The following CDT1 variants were observed in gnomAD, a reference collection of about 807,000 sequenced individuals.
The protein encoded by CDT1 is DNA replication factor Cdt1.
In CDT1, 66 loss-of-function variants were observed where a neutral mutation model predicts 49.3. The ratio of observed to expected loss-of-function variants is 1.34; its 90% CI spans 1.10 to 1.64. CDT1 has a LOEUF of 1.64. Among genes scored for constraint, CDT1 ranks in the 40% most tolerant of loss-of-function variants. The probability of loss-of-function intolerance (pLI) is 0.00; values close to 1 mark genes in which losing one functional copy is unlikely to be tolerated. For missense variants in CDT1, 958 were observed against 807.7 expected (o/e 1.19, Z -2.26); for synonymous variants, 424 against 347.4 (o/e 1.22, Z -2.45).
intron 1 of CDT1, 61 bp downstream of exon 1, chr16:88,804,120 G>T: frequency 8.8e-7 from 1 of 1,133,284 alleles, no homozygotes; most frequent in Non-Finnish European, 1.1e-6. Flanking sequence ...AGGCCCGGGG[G>T]GCAGGGCTCG....
In CDT1 at chr16:88,808,433, AG is replaced by A; in HGVS notation, c.*158del. On this transcript the variant is annotated 3_prime_UTR_variant, in exon 10 of 10. Transcript: ENST00000301019. ...TGTGGGCTGCAGGCTGCACAGCCCG[AG>A]GGTCTCTGGCTGCGGGCGGTGGGCC... is the stretch of plus-strand genomic sequence containing the variant. 1 of 870,878 alleles carries A rather than the reference AG, an allele frequency of 1.1e-6. No homozygotes were observed. 53.9% of individuals were successfully genotyped at this position (870,878 alleles called of 1,614,324 possible). A position where few individuals can be genotyped will look rare whatever the true frequency, so the allele number is the denominator to read the frequency against.
intron 9 of CDT1, among the ~76,000 whole-genome samples, chr16:88,807,914 A>AGGCCT (rs1234198843): frequency 6.6e-6 from 1 of 152,190 alleles, no homozygotes; most frequent in Non-Finnish European, 1.5e-5. Flanking sequence ...CCTCAACTGT[A>AGGCCT]GGCCTGGCTC....
Position 88,804,683 on chromosome 16 carries a change from TG to T in CDT1, c.351+20del. 6.2e-7 allele frequency: 1 copy of T among 1,612,296 alleles called. No individual in the cohort carries two copies. The highest frequency in any genetic ancestry group is 8.5e-7 in the Non-Finnish European group (1 of 1,179,740). On this transcript the variant is annotated intron_variant, in intron 2 of 9. Coordinates refer to ENST00000301019, the MANE Select transcript of CDT1 (RefSeq NM_030928.4). ...GCAGGACCAGGTGAGGGGCGGGGCC[TG>T]GGGCAGATGCGGGAGGGCTGAGTGG...
At position 88,804,811 on chromosome 16, in the gene CDT1, G is replaced by A; in HGVS notation, c.401G>A (p.Gly134Glu). ...ASCLQRAREL[G>E]ARVRALKASA... ...TGCCTGCAACGGGCCCGGGAGCTGGGGGCAAGAGTCCGGGCGCTGAAGGCC... is the reference window on the plus strand; with the variant it reads ...TGCCTGCAACGGGCCCGGGAGCTGGAGGCAAGAGTCCGGGCGCTGAAGGCC... The change falls in exon 3 of 10, where the codon GGG (glycine) becomes GAG (glutamate). Residue 134 changes from glycine (G) to glutamate (E), a missense_variant. Physicochemically the swap from Gly to Glu is moderately conservative, Grantham distance 98 (BLOSUM62 -2). Transcript: ENST00000301019. 1 of 1,612,676 alleles carries A rather than the reference G, an allele frequency of 6.2e-7. No individual in the cohort carries two copies. Among genetic ancestry groups the A allele is most frequent in the Non-Finnish European group, 8.5e-7 (1 of 1,179,862 alleles).
chr16:88,805,981 G>T, intron 5 of CDT1, 40 bp from the exon 6 acceptor site: 1 of 1,575,766 alleles, frequency 6.3e-7, no homozygotes. Flanking sequence ...TGGGTGGCTG[G>T]GTGGCCTGGT....
At chr16:88,805,026 G>T in intron 3 of CDT1, 128 bp downstream of exon 3, 1 of 1,288,922 alleles carries the variant, frequency 7.8e-7, no homozygotes, top group African/African-American at 1.5e-5. Context: ...TCACCAGGGC[G>T]CGGACCCAGA....
chr16:88,803,806 T>G lies in CDT1; in HGVS notation c.-26T>G. On this transcript the variant is annotated 5_prime_UTR_variant, in exon 1 of 10. Coordinates refer to ENST00000301019, the MANE Select transcript of CDT1 (RefSeq NM_030928.4). ...GCCTCTTCCTCCCTTCCTTCTTTCC[T>G]TGCTTTCGCCGCGCACTCCGCCGCC... is the stretch of plus-strand genomic sequence containing the variant. The G allele has an allele frequency of 6.7e-7, 1 of 1,499,722 alleles. No homozygotes were observed. Among genetic ancestry groups the G allele is most frequent in the Non-Finnish European group, 8.9e-7 (1 of 1,120,738 alleles). 92.9% of individuals were successfully genotyped at this position (1,499,722 alleles called of 1,614,324 possible). A position where few individuals can be genotyped will look rare whatever the true frequency, so the allele number is the denominator to read the frequency against.
rs1341169712 is a variant in CDT1, at chr16:88,809,078, CAG to C, written c.*801_*802del. On this transcript the variant is annotated 3_prime_UTR_variant, in exon 10 of 10. Coordinates refer to ENST00000301019, the MANE Select transcript of CDT1 (RefSeq NM_030928.4). ...CCATGTCATCACAGGGCCTTCATGACAGGGCCAGAGCCAGCCAGCTTTGAAGA... is the reference window on the plus strand; with the variant it reads ...CCATGTCATCACAGGGCCTTCATGACGGCCAGAGCCAGCCAGCTTTGAAGA... 13 of 228,154 alleles carry C rather than the reference CAG, an allele frequency of 5.7e-5. No homozygotes were observed. Among genetic ancestry groups the C allele is most frequent in the East Asian group, 1.1e-4 (1 of 8,836 alleles). The allele number at this position is 228,154 out of a possible 1,614,324, so 14.1% of individuals were successfully genotyped here.
rs758725452 is a variant in CDT1 at position 88,803,798 on chromosome 16, T to G, written c.-34T>G. Reference sequence around the variant, plus strand: ...CCGCGCCCGCCTCTTCCTCCCTTCCTTCTTTCCTTGCTTTCGCCGCGCACT... The same window carrying G: ...CCGCGCCCGCCTCTTCCTCCCTTCCGTCTTTCCTTGCTTTCGCCGCGCACT... On this transcript the variant is annotated 5_prime_UTR_variant, in exon 1 of 10. Coordinates refer to ENST00000301019, the MANE Select transcript of CDT1 (RefSeq NM_030928.4). 2 of 1,486,760 alleles carry G rather than the reference T, an allele frequency of 1.3e-6. No individual in the cohort carries two copies. The highest frequency in any genetic ancestry group is 1.5e-5 in the African/African-American group (1 of 68,578). The allele number at this position is 1,486,760 out of a possible 1,614,324, so 92.1% of individuals were successfully genotyped here.
At chr16:88,808,072 TG>T in intron 9 of CDT1, 42 bp from the exon 10 acceptor site, 2 of 1,601,818 alleles carry the variant, frequency 1.2e-6, no homozygotes, top group Non-Finnish European at 1.7e-6. Context: ...CGTGCAGGGC[TG>T]GGGCCCAGCA....
At chr16:88,806,728 G>A in intron 7 of CDT1, 54 bp downstream of exon 7, 1 of 1,547,188 alleles carries the variant, frequency 6.5e-7, no homozygotes, top group African/African-American at 1.4e-5. Flanking sequence ...GGGCCAGCCT[G>A]ACCCCAGGCT....
rs1287487253 is a variant in CDT1 at position 88,807,178 on chromosome 16, G to A, written c.1250G>A (p.Gly417Glu). 6.2e-7 allele frequency: 1 copy of A among 1,612,334 alleles called. No homozygotes were observed. Among genetic ancestry groups the A allele is most frequent in the Non-Finnish European group, 8.5e-7 (1 of 1,179,824 alleles). Reference protein sequence around the residue: ...PPAASPSALKGVSQDLLERIR... With the variant: ...PPAASPSALKEVSQDLLERIR... The stretch of plus-strand genomic sequence containing the variant: ...GCAGCCTCTCCCAGTGCTCTGAAGG[G>A]GGTGTCCCAGGATCTGCTGGAGCGG... The change falls in exon 8 of 10, where the codon GGG becomes GAG. Residue 417 changes from glycine (G) to glutamate (E), a missense_variant. By Grantham distance (98) the Gly-to-Glu change is moderately conservative (BLOSUM62 -2). Coordinates refer to ENST00000301019, the MANE Select transcript of CDT1 (RefSeq NM_030928.4).
chr16:88,808,519 C>T lies in CDT1; in HGVS notation c.*241C>T, dbSNP rs1052487403. ...ACCGGTTTCTGTGGGCACCTCTGTCCTTGCTGCTGGTGGGGAAGGGAAGCC... is the reference window on the plus strand; with the variant it reads ...ACCGGTTTCTGTGGGCACCTCTGTCTTTGCTGCTGGTGGGGAAGGGAAGCC... On this transcript the variant is annotated 3_prime_UTR_variant, in exon 10 of 10. Coordinates refer to ENST00000301019, the MANE Select transcript of CDT1 (RefSeq NM_030928.4). The T allele has an allele frequency of 1.8e-6, 1 of 565,546 alleles. No homozygotes were observed. The highest frequency in any genetic ancestry group is 3.1e-6 in the Non-Finnish European group (1 of 319,208). The allele number at this position is 565,546 out of a possible 1,614,324, so 35.0% of individuals were successfully genotyped here.
intron 8 of CDT1, 30 bp downstream of exon 8, chr16:88,807,233 CG>C: frequency 6.2e-7 from 1 of 1,610,554 alleles, no homozygotes; most frequent in South Asian, 1.1e-5. Flanking sequence ...GGCGGGTGGG[CG>C]CCTGGTGACC....
rs772432300 is a variant in CDT1 at position 88,808,590 on chromosome 16, G to A, written c.*312G>A. The A allele has an allele frequency of 1.1e-5, 5 of 445,682 alleles. No homozygotes were observed. The highest frequency in any genetic ancestry group is 2.0e-5 in the African/African-American group (1 of 50,344). 27.6% of individuals were successfully genotyped at this position (445,682 alleles called of 1,614,324 possible). A position where few individuals can be genotyped will look rare whatever the true frequency, so the allele number is the denominator to read the frequency against. On this transcript the variant is annotated 3_prime_UTR_variant, in exon 10 of 10. Transcript: ENST00000301019. Reference sequence around the variant, plus strand: ...GGCCATCGGGAGTGTGGCTGGGGGTGAAGGGGGCTCTGTGGCAATATGGGG... The same window carrying A: ...GGCCATCGGGAGTGTGGCTGGGGGTAAAGGGGGCTCTGTGGCAATATGGGG...
In CDT1 at chr16:88,804,629, G is replaced by C; in HGVS notation, c.313G>C (p.Ala105Pro). ...GQKIKKSTPAAGQPPHLTSAQ... is the reference protein window; with the variant it reads ...GQKIKKSTPAPGQPPHLTSAQ... Reference sequence around the variant, plus strand: ...GAAGATAAAGAAATCCACCCCGGCAGCAGGTCAGCCGCCCCACCTGACATC... The same window carrying C: ...GAAGATAAAGAAATCCACCCCGGCACCAGGTCAGCCGCCCCACCTGACATC... The change falls in exon 2 of 10, where the codon GCA (alanine) becomes CCA (proline). Residue 105 changes from alanine to proline, a missense_variant. Physicochemically the swap from Ala to Pro is conservative, Grantham distance 27. Transcript: ENST00000301019. 6.2e-7 allele frequency: 1 copy of C among 1,612,720 alleles called. No individual in the cohort carries two copies. The highest frequency in any genetic ancestry group is 8.5e-7 in the Non-Finnish European group (1 of 1,179,834).
rs1908987940 is a variant in CDT1 at position 88,808,993 on chromosome 16, C to A, written c.*715C>A. On this transcript the variant is annotated 3_prime_UTR_variant, in exon 10 of 10. Transcript: ENST00000301019. ...CCAGCCTGGGTGACAGAGCGAGACTCCGTCTCAAAAAAAAAAATTTCAAGA... is the reference window on the plus strand; with the variant it reads ...CCAGCCTGGGTGACAGAGCGAGACTACGTCTCAAAAAAAAAAATTTCAAGA... The A allele has an allele frequency of 5.8e-6, 1 of 173,142 alleles. No individual in the cohort carries two copies. Among genetic ancestry groups the A allele is most frequent in the African/African-American group, 2.4e-5 (1 of 41,494 alleles). The allele number at this position is 173,142 out of a possible 1,614,324, so 10.7% of individuals were successfully genotyped here. A position where few individuals can be genotyped will look rare whatever the true frequency, so the allele number is the denominator to read the frequency against.
chr16:88,806,222 C>A, intron 6 of CDT1, 101 bp downstream of exon 6: 2 of 1,188,978 alleles, frequency 1.7e-6, no homozygotes, highest in Non-Finnish European at 1.2e-6. Flanking sequence ...CAGCTTCTCC[C>A]GGGATGGAAC....
At position 88,803,836 on chromosome 16, in the gene CDT1, A is replaced by G. The variant is rs764424809; in HGVS notation, c.5A>G (p.Glu2Gly). The G allele has an allele frequency of 6.6e-7, 1 of 1,510,900 alleles. No homozygotes were observed. Among genetic ancestry groups the G allele is most frequent in the Non-Finnish European group, 8.8e-7 (1 of 1,130,384 alleles). 93.6% of individuals were successfully genotyped at this position (1,510,900 alleles called of 1,614,324 possible). A position where few individuals can be genotyped will look rare whatever the true frequency, so the allele number is the denominator to read the frequency against. Residue 2 changes from glutamate (E) to glycine (G), a missense_variant, in exon 1 of 10, where the codon GAG (glutamate) becomes GGG (glycine). Physicochemically the swap from Glu to Gly is moderately conservative, Grantham distance 98. Transcript: ENST00000301019. The stretch of plus-strand genomic sequence containing the variant: ...TTCGCCGCGCACTCCGCCGCCATGG[A>G]GCAGCGCCGCGTCACCGACTTCTTC... M[E>G]QRRVTDFFAR...
Sources: gnomAD v4.1 joint callset for allele counts (sites outside exome capture counted in the v4.1 genomes callset) on GRCh38, gnomAD v4.1.1 for gene constraint, MANE v1.5 for transcripts, NCBI Gene and HGNC (gene_info 2026-07-23, HGNC 2026-07-21) for gene names.